The following LYST variants were observed in gnomAD, a reference collection of about 807,000 sequenced individuals.
LYST encodes the protein lysosomal trafficking regulator.
A neutral mutation model predicts 413.6 loss-of-function variants in LYST; 192 were observed. The ratio of observed to expected loss-of-function variants is 0.46; its 90% CI spans 0.41 to 0.52. The LOEUF is 0.52. LYST is among the 20% of genes least tolerant of loss of function. The pLI, the probability that LYST is intolerant of heterozygous loss-of-function variation, is 0.00. For missense variants in LYST, 3,815 were observed against 4,499.9 expected (o/e 0.85, Z 4.35); for synonymous variants, 1,525 against 1,567.3 (o/e 0.97, Z 0.64).
At position 235,730,567 on chromosome 1, in the gene LYST, ATGTGTGTGTGTGTGTGTGTGTGTG is replaced by A. The variant is rs4006790; in HGVS notation, c.9044+256_9044+279del. On this transcript the variant is annotated intron_variant, in intron 36 of 52. Transcript: ENST00000389793. ...TATGTGTATATATATACATATTTAT[ATGTGTGTGTGTGTGTGTGTGTGTG>A]TGTGTGTGTGTGTGTGTGTGTGTAT... 6.8e-3 allele frequency among the ~76,000 whole-genome samples: 937 copies of A among 137,618 alleles called. 4 individuals are homozygous for A. The highest frequency in any genetic ancestry group is 0.012 in the South Asian group (50 of 4,150). The allele number at this position is 137,618 out of a possible 152,430, so 90.3% of individuals were successfully genotyped here.
At chr1:235,837,454 C>A (rs1321832985) in intron 1 of LYST, among the ~76,000 whole-genome samples, 3 of 151,800 alleles carry the variant, frequency 2.0e-5, no homozygotes. Flanking sequence ...ATGGCGAAAT[C>A]CCATCTCTAC....
intron 3 of LYST, among the ~76,000 whole-genome samples, chr1:235,818,375 G>T (rs576639110): frequency 2.2e-4 from 33 of 152,132 alleles, no homozygotes; most frequent in Non-Finnish European, 4.3e-4. Context: ...ATGGACTCCA[G>T]GGCTCAGGCC....
rs998299549 is a variant in LYST at position 235,776,998 on chromosome 1, C to A, written c.5460+65G>T. ...TTTTTCGTGTGGTCCAAAAGAAATC[C>A]TTTAATTTATCAATAATAAGTAAGT... On this transcript the variant is annotated intron_variant, in intron 17 of 52. Transcript: ENST00000389793. The A allele has an allele frequency of 3.4e-6, 5 of 1,452,046 alleles. No homozygotes were observed. In the African/African-American group the frequency reaches 4.2e-5, roughly 12 times the overall value. 89.9% of individuals were successfully genotyped at this position (1,452,046 alleles called of 1,614,324 possible). A position where few individuals can be genotyped will look rare whatever the true frequency, so the allele number is the denominator to read the frequency against.
At chr1:235,800,507 A>G in intron 9 of LYST, 121 bp from the exon 10 acceptor site, 2 of 649,306 alleles carry the variant, frequency 3.1e-6, no homozygotes, top group South Asian at 1.8e-5. Flanking sequence ...GTATTTAAAA[A>G]TGACTAAAAA....
intron 5 of LYST, among the ~76,000 whole-genome samples, chr1:235,807,748 A>G (rs905794237): frequency 1.3e-5 from 2 of 152,286 alleles, no homozygotes; most frequent in African/African-American, 4.8e-5. Flanking sequence ...TGGAAAACTC[A>G]CTGATAGGAT....
chr1:235,663,909 G>A lies in LYST; in HGVS notation c.11267+75C>T, dbSNP rs375463934. ...CAATTGCACATTTCTTTAAGTCTGT[G>A]TGCTTAAATACCTCTCTACGAAAAA... On this transcript the variant is annotated intron_variant, in intron 52 of 52. Coordinates refer to ENST00000389793, the MANE Select transcript of LYST (RefSeq NM_000081.4). 5.7e-6 allele frequency: 7 copies of A among 1,221,262 alleles called. No homozygotes were observed. In the African/African-American group the frequency reaches 8.9e-5, roughly 16 times the overall value. 75.7% of individuals were successfully genotyped at this position (1,221,262 alleles called of 1,614,324 possible). A position where few individuals can be genotyped will look rare whatever the true frequency, so the allele number is the denominator to read the frequency against.
intron 2 of LYST, among the ~76,000 whole-genome samples, chr1:235,832,099 G>A (rs1676059827): frequency 6.6e-6 from 1 of 152,090 alleles, no homozygotes; most frequent in Non-Finnish European, 1.5e-5. Context: ...TTTATATGCT[G>A]GTGCTTTCTT....
chr1:235,691,942 C>T (rs952076827), intron 47 of LYST, among the ~76,000 whole-genome samples: 6 of 151,056 alleles, frequency 4.0e-5, no homozygotes, highest in Non-Finnish European at 5.9e-5. Context: ...AGGTGATCCC[C>T]GCACCTTGGC....
chr1:235,736,304 T>G (rs1486425334), intron 31 of LYST: 2 of 152,116 alleles, frequency 1.3e-5, no homozygotes, highest in Non-Finnish European at 2.9e-5. Flanking sequence ...ATATTTCTTT[T>G]CAAAGAAGGT....
chr1:235,706,300 G>C (rs2103110855), intron 44 of LYST, among the ~76,000 whole-genome samples: 1 of 152,226 alleles, frequency 6.6e-6, no homozygotes, highest in South Asian at 2.1e-4. Flanking sequence ...TTTTCACTTA[G>C]GAGTTACCCT....
chr1:235,687,765 C>T (rs1181071428), intron 47 of LYST, among the ~76,000 whole-genome samples: 1 of 152,174 alleles, frequency 6.6e-6, no homozygotes, highest in Non-Finnish European at 1.5e-5. Flanking sequence ...CAGCTGCACA[C>T]CTCTTCCTCT....
In LYST at chr1:235,804,516, A is replaced by G. The variant is rs1572319794; in HGVS notation, c.3543T>C (p.Ala1181=). The change falls in exon 7 of 53, where the codon GCT becomes GCC. Residue 1181 remains alanine, a synonymous_variant. Transcript: ENST00000389793. ...TTGTTATTCATACCTTCTCAGTCATAGCATCATTATGTTCAAAATCTGCTG... is the reference window on the plus strand; with the variant it reads ...TTGTTATTCATACCTTCTCAGTCATGGCATCATTATGTTCAAAATCTGCTG... ...NYSADFEHND[A]MTEKSHQSAE... 6.2e-7 allele frequency: 1 copy of G among 1,613,556 alleles called. No individual in the cohort carries two copies. The highest frequency in any genetic ancestry group is 1.1e-5 in the South Asian group (1 of 91,080).
intron 3 of LYST, among the ~76,000 whole-genome samples, chr1:235,825,669 G>T (rs1675246083): frequency 1.3e-5 from 2 of 152,148 alleles, no homozygotes; most frequent in African/African-American, 4.8e-5. Context: ...CAATAGTGCA[G>T]AGAAACAAAC....
chr1:235,730,567 A>ATGTG (rs4006790), intron 36 of LYST, among the ~76,000 whole-genome samples: 240 of 137,612 alleles, frequency 1.7e-3, no homozygotes, highest in East Asian at 9.8e-3. Context: ...ACATATTTAT[A>ATGTG]TGTGTGTGTG....
rs1482293546 is a variant in LYST at position 235,690,328 on chromosome 1, C to CA, written c.10701+3021dup. Among the ~76,000 whole-genome samples, 3 of 152,254 alleles carry CA rather than the reference C, an allele frequency of 2.0e-5. No homozygotes were observed. In the East Asian group the frequency reaches 5.8e-4, roughly 29 times the overall value. The stretch of plus-strand genomic sequence containing the variant: ...ATTTATAATAATCCCAAAAAGGGTG[C>CA]AGTAAGGGACATACTGATTCTATAA... On this transcript the variant is annotated intron_variant, in intron 47 of 52. Transcript: ENST00000389793.
chr1:235,881,572 G>A (rs1278974379), intron 1 of LYST, among the ~76,000 whole-genome samples: 2 of 152,174 alleles, frequency 1.3e-5, no homozygotes, highest in Admixed American at 6.5e-5. Context: ...AGCAATGCAA[G>A]TGTCCATTGA....
intron 6 of LYST, among the ~76,000 whole-genome samples, chr1:235,805,373 C>T (rs1055584831): frequency 1.3e-5 from 2 of 152,062 alleles, no homozygotes; most frequent in African/African-American, 2.4e-5. Flanking sequence ...CATCTTCCAT[C>T]GGTCAAGGGT....
intron 14 of LYST, among the ~76,000 whole-genome samples, chr1:235,783,308 AC>A (rs1380893080): frequency 6.6e-6 from 1 of 152,170 alleles, no homozygotes; most frequent in African/African-American, 2.4e-5. Context: ...GATGTGGGAT[AC>A]ATTCAATGAC....
chr1:235,850,321 G>T (rs1304875301), intron 1 of LYST, among the ~76,000 whole-genome samples: 2 of 152,010 alleles, frequency 1.3e-5, no homozygotes, highest in Non-Finnish European at 2.9e-5. Flanking sequence ...TCAGCTAGCC[G>T]CATGTAGGAG....
Sources: gnomAD v4.1 joint callset for allele counts (sites outside exome capture counted in the v4.1 genomes callset) on GRCh38, gnomAD v4.1.1 for gene constraint, MANE v1.5 for transcripts, NCBI Gene and HGNC (gene_info 2026-07-23, HGNC 2026-07-21) for gene names.